USH2A: variants seen among roughly 807,000 people sequenced by gnomAD.
The protein encoded by USH2A is usherin.
A neutral mutation model predicts 538.9 loss-of-function variants in USH2A; 443 were observed. The observed-to-expected ratio is 0.82, with a 90% CI of 0.76 to 0.89. The LOEUF is 0.89. Ranked by LOEUF, USH2A falls within the 40% of genes least tolerant of loss-of-function variation. The pLI, the probability that USH2A is intolerant of heterozygous loss-of-function variation, is 0.00. For missense variants in USH2A, 6,633 were observed against 6,324.8 expected, an observed-to-expected ratio of 1.05 and a Z score of -1.65; for synonymous variants, 2,413 against 2,273.5, an observed-to-expected ratio of 1.06 and a Z score of -1.75.
At chr1:216,146,618 G>T (rs546833531) in intron 21 of USH2A, among the ~76,000 whole-genome samples, 473 of 151,888 alleles carry the variant, frequency 3.1e-3, no homozygotes, top group African/African-American at 0.011. Context: ...GCTTATTTCC[G>T]CACCCCAACC....
At chr1:215,928,407 C>T (rs1438780233) in intron 38 of USH2A, among the ~76,000 whole-genome samples, 2 of 151,720 alleles carry the variant, frequency 1.3e-5, no homozygotes, top group Admixed American at 6.6e-5. Context: ...GGTGCTAGTA[C>T]ATCATTATTT....
At chr1:216,027,656 A>G (rs7531400) in intron 32 of USH2A, among the ~76,000 whole-genome samples, 1 of 152,208 alleles carries the variant, frequency 6.6e-6, no homozygotes, top group African/African-American at 2.4e-5. Context: ...CTGCAGACCT[A>G]TAATTTCCAC....
chr1:215,630,480 GTGTATATATATATATATATATA>G lies in USH2A; in HGVS notation c.15298-1467_15298-1446del, dbSNP rs1208562326. Among the ~76,000 whole-genome samples, 350 of 105,922 alleles carry G rather than the reference GTGTATATATATATATATATATA, an allele frequency of 3.3e-3. 4 individuals carry two copies. The highest frequency in any genetic ancestry group is 0.017 in the Middle Eastern group (3 of 178). The allele number at this position is 105,922 out of a possible 152,430, so 69.5% of individuals were successfully genotyped here. On this transcript the variant is annotated intron_variant, in intron 70 of 71. Transcript: ENST00000307340. ...AATATATATGTATGTGTATGTGTGT[GTGTATATATATATATATATATA>G]TATATATATATATATATATATATAT...
chr1:215,722,067 TAA>T (rs35694146), intron 61 of USH2A, among the ~76,000 whole-genome samples: 31,073 of 141,736 alleles, frequency 0.22, 3,438 homozygotes, highest in Non-Finnish European at 0.23. Context: ...CCTGTCTCTT[TAA>T]AAAAAAAAAA....
At chr1:216,368,763 G>T (rs181026700) in intron 3 of USH2A, among the ~76,000 whole-genome samples, 2 of 152,258 alleles carry the variant, frequency 1.3e-5, no homozygotes, top group African/African-American at 2.4e-5. Context: ...CCAAGGAGTT[G>T]CTTTGAGAAA....
chr1:215,625,860 T>C lies in USH2A; in HGVS notation c.15530A>G (p.Glu5177Gly). The C allele has an allele frequency of 1.2e-6, 2 of 1,614,134 alleles. No individual in the cohort carries two copies. Among genetic ancestry groups the C allele is most frequent in the Non-Finnish European group, 1.7e-6 (2 of 1,179,968 alleles). Residue 5177 changes from glutamate (E) to glycine (G), a missense_variant, in exon 72 of 72, where the codon GAA becomes GGA. Physicochemically the swap from Glu to Gly is moderately conservative, Grantham distance 98. Coordinates refer to ENST00000307340, the MANE Select transcript of USH2A (RefSeq NM_206933.4). ...MGHNSGLYVD[E>G]EDLMNAIKDF... ...CTTGATGGCGTTCATCAGGTCCTCT[T>C]CATCCACATACTGAAAAATAAGCCA... is the stretch of plus-strand genomic sequence containing the variant.
chr1:215,951,791 C>T (rs1380637585), intron 37 of USH2A, among the ~76,000 whole-genome samples: 1 of 151,978 alleles, frequency 6.6e-6, no homozygotes, highest in East Asian at 1.9e-4. Context: ...TTGAATTGAT[C>T]CATTTACCAT....
intron 22 of USH2A, among the ~76,000 whole-genome samples, chr1:216,090,468 A>G (rs903852537): frequency 9.9e-5 from 15 of 151,394 alleles, no homozygotes; most frequent in Non-Finnish European, 1.8e-4. Context: ...ATTTCCCATG[A>G]GTATGAGTGG....
chr1:215,656,453 T>C (rs1205502562), intron 64 of USH2A, among the ~76,000 whole-genome samples: 1 of 152,240 alleles, frequency 6.6e-6, no homozygotes, highest in Non-Finnish European at 1.5e-5. Context: ...AGCACCAAGC[T>C]GATGTCTATT....
At chr1:215,849,580 C>T (rs907588700) in intron 44 of USH2A, among the ~76,000 whole-genome samples, 18 of 151,930 alleles carry the variant, frequency 1.2e-4, no homozygotes, top group African/African-American at 4.1e-4. Context: ...ATATGAAATG[C>T]CCCAATAAAC....
chr1:216,319,608 A>G (rs928072280), intron 9 of USH2A, among the ~76,000 whole-genome samples: 1 of 152,220 alleles, frequency 6.6e-6, no homozygotes, highest in African/African-American at 2.4e-5. Context: ...TATCTAAATT[A>G]GAACATGAAA....
rs186783356 is a variant in USH2A at position 215,644,136 on chromosome 1, C to T, written c.14791+3386G>A. Among the ~76,000 whole-genome samples the T allele has an allele frequency of 1.4e-3, 208 of 152,300 alleles. 1 individual carries two copies. The highest frequency in any genetic ancestry group is 3.4e-3 in the Middle Eastern group (1 of 294). ...TTGAGCAGTGTCAACAATAAACATG[C>T]AGTGTTAGGTGCACTCGCTTATTCA... On this transcript the variant is annotated intron_variant, in intron 67 of 71. Coordinates refer to ENST00000307340, the MANE Select transcript of USH2A (RefSeq NM_206933.4).
At chr1:215,864,905 T>C (rs1319005996) in intron 44 of USH2A, among the ~76,000 whole-genome samples, 1 of 152,204 alleles carries the variant, frequency 6.6e-6, no homozygotes, top group Non-Finnish European at 1.5e-5. Context: ...AAATGATGTG[T>C]ACATGGGGAG....
At position 215,813,848 on chromosome 1, in the gene USH2A, T is replaced by C. The variant is rs965867986; in HGVS notation, c.9627A>G (p.Glu3209=). The C allele has an allele frequency of 2.5e-6, 4 of 1,613,836 alleles. No homozygotes were observed. The highest frequency in any genetic ancestry group is 1.7e-5 in the Admixed American group (1 of 59,990). ...NPKPGHRCCE[E]KYIPFVLNST... ...AATTCAGAACAAACGGGATATACTT[T>C]TCTTCACAACAGCGATGTCCAGGCT... The change falls in exon 49 of 72, where the codon GAA becomes GAG. Residue 3209 remains glutamate (E), a synonymous_variant. Transcript: ENST00000307340.
chr1:216,309,057 T>C (rs1288282639), intron 9 of USH2A, among the ~76,000 whole-genome samples: 1 of 152,212 alleles, frequency 6.6e-6, no homozygotes, highest in Non-Finnish European at 1.5e-5. Context: ...AAAAAATAGC[T>C]GTGTATAATG....
intron 62 of USH2A, among the ~76,000 whole-genome samples, chr1:215,677,403 A>C (rs1658068640): frequency 6.6e-6 from 1 of 152,042 alleles, no homozygotes; most frequent in South Asian, 2.1e-4. Flanking sequence ...TTCCCATCCC[A>C]CAGTCTCCAC....
chr1:216,205,213 G>A (rs955825339), intron 16 of USH2A, among the ~76,000 whole-genome samples: 1 of 152,138 alleles, frequency 6.6e-6, no homozygotes, highest in Non-Finnish European at 1.5e-5. Flanking sequence ...CAGTGGTACT[G>A]TCATCTTCAA....
chr1:215,741,478 G>C lies in USH2A; in HGVS notation c.11608C>G (p.Leu3870Val). The C allele has an allele frequency of 6.2e-7, 1 of 1,613,446 alleles. No individual in the cohort carries two copies. The highest frequency in any genetic ancestry group is 1.1e-5 in the South Asian group (1 of 91,030). Residue 3870 changes from leucine (L) to valine (V), a missense_variant, in exon 60 of 72, where the codon CTT (leucine) becomes GTT (valine). Leu to Val is a conservative substitution (Grantham distance 32). Coordinates refer to ENST00000307340, the MANE Select transcript of USH2A (RefSeq NM_206933.4). ...AGTGCCTTAAGAACAGGAGAATTAA[G>C]ATCCATTGGGGCTGCTTCAGGTGTT... ...VKTPEAAPMDLNSPVLKALGS... is the reference protein window; with the variant it reads ...VKTPEAAPMDVNSPVLKALGS...
chr1:215,777,237 C>T (rs941904748), intron 55 of USH2A, among the ~76,000 whole-genome samples: 1 of 151,952 alleles, frequency 6.6e-6, no homozygotes, highest in African/African-American at 2.4e-5. Context: ...ATAAAAATAG[C>T]CATTAAAAAT....
Sources: gnomAD v4.1 joint callset for allele counts (sites outside exome capture counted in the v4.1 genomes callset) on GRCh38, gnomAD v4.1.1 for gene constraint, MANE v1.5 for transcripts, NCBI Gene and HGNC (gene_info 2026-07-23, HGNC 2026-07-21) for gene names.